The following GRIA4 variants were observed in gnomAD, a reference collection of about 807,000 sequenced individuals.
The protein encoded by GRIA4 is glutamate receptor 4.
Under a neutral mutation model 104.0 loss-of-function variants are expected in GRIA4, and 34 were observed. That is an observed-to-expected ratio of 0.33 (90% CI 0.25 to 0.44). The LOEUF (loss-of-function observed/expected upper bound fraction) is 0.44. Ranked by LOEUF, GRIA4 falls within the 20% of genes least tolerant of loss-of-function variation. The pLI is 1.00. For synonymous variants in GRIA4, 386 were observed against 381.9 expected (o/e 1.01, Z -0.13); for missense variants, 750 against 1,096.5 (o/e 0.68, Z 4.46).
At chr11:105,680,688 G>C (rs192650990) in intron 3 of GRIA4, among the ~76,000 whole-genome samples, 1 of 152,244 alleles carries the variant, frequency 6.6e-6, no homozygotes, top group Admixed American at 6.5e-5. Context: ...GTTAAGAAGT[G>C]ACTCAATTTC....
chr11:105,859,595 T>C (rs1945143628), intron 4 of GRIA4, among the ~76,000 whole-genome samples: 1 of 152,166 alleles, frequency 6.6e-6, no homozygotes, highest in South Asian at 2.1e-4. Context: ...CATGGATGCC[T>C]AGTCCTGACA....
rs185837809 is a variant in GRIA4, at chr11:105,722,412, T to C, written c.248-30569T>C. ...GAGTAGTAAGTGCATTTTCAACTTATGATTTGTTCTACTTATAATCGGTTT... is the reference window on the plus strand; with the variant it reads ...GAGTAGTAAGTGCATTTTCAACTTACGATTTGTTCTACTTATAATCGGTTT... On this transcript the variant is annotated intron_variant, in intron 3 of 16. Transcript: ENST00000282499. 1.1e-3 allele frequency among the ~76,000 whole-genome samples: 168 copies of C among 152,282 alleles called. 1 individual carries two copies. In the East Asian group the frequency reaches 0.017, roughly 15 times the overall value.
chr11:105,890,727 T>A (rs1452308882), intron 6 of GRIA4, among the ~76,000 whole-genome samples: 2 of 152,198 alleles, frequency 1.3e-5, no homozygotes, highest in African/African-American at 4.8e-5. Context: ...GGAGCTAACA[T>A]CATCTGAACA....
intron 4 of GRIA4, among the ~76,000 whole-genome samples, chr11:105,822,960 T>C (rs1271772354): frequency 3.3e-5 from 5 of 152,164 alleles, no homozygotes; most frequent in Non-Finnish European, 7.4e-5. Context: ...TCTTCTTCTA[T>C]CATGTTGTAA....
intron 4 of GRIA4, among the ~76,000 whole-genome samples, chr11:105,798,551 C>T (rs903956834): frequency 1.3e-5 from 2 of 152,112 alleles, no homozygotes; most frequent in African/African-American, 4.8e-5. Flanking sequence ...GTGACATAAT[C>T]TGACATATTT....
chr11:105,805,780 C>T (rs1262941154), intron 4 of GRIA4, among the ~76,000 whole-genome samples: 10 of 151,860 alleles, frequency 6.6e-5, no homozygotes, highest in East Asian at 1.9e-4. Flanking sequence ...AAAGCCTTCT[C>T]GACACAAAGT....
At chr11:105,936,218 A>C (rs1274309929) in intron 14 of GRIA4, among the ~76,000 whole-genome samples, 1 of 152,182 alleles carries the variant, frequency 6.6e-6, no homozygotes, top group Non-Finnish European at 1.5e-5. Context: ...AAATGAGGCA[A>C]ACTAATACAG....
At chr11:105,926,554 T>A (rs1005872445) in intron 12 of GRIA4, among the ~76,000 whole-genome samples, 187 bp from the exon 13 acceptor site, 3 of 152,156 alleles carry the variant, frequency 2.0e-5, no homozygotes, top group Non-Finnish European at 2.9e-5. Context: ...CATTTATATA[T>A]TAAATACACC....
intron 6 of GRIA4, among the ~76,000 whole-genome samples, chr11:105,895,411 A>G (rs1195607856): frequency 6.6e-6 from 1 of 152,022 alleles, no homozygotes; most frequent in African/African-American, 2.4e-5. Flanking sequence ...TAAGGTACCT[A>G]AAATAGTGGC....
intron 13 of GRIA4, among the ~76,000 whole-genome samples, chr11:105,929,769 A>G (rs1341362906): frequency 6.6e-6 from 1 of 152,146 alleles, no homozygotes; most frequent in Non-Finnish European, 1.5e-5. Flanking sequence ...AACATTAACT[A>G]TAACACATGA....
chr11:105,707,605 C>T (rs946439828), intron 3 of GRIA4: 9 of 152,190 alleles, frequency 5.9e-5, no homozygotes, highest in Admixed American at 2.6e-4. Flanking sequence ...TAATGAAGAT[C>T]GGTAAGTTGA....
intron 4 of GRIA4, among the ~76,000 whole-genome samples, chr11:105,807,966 A>G (rs980245904): frequency 1.3e-5 from 2 of 151,816 alleles, no homozygotes; most frequent in Non-Finnish European, 2.9e-5. Context: ...TATTTGATCT[A>G]CTTCAATTTT....
chr11:105,883,888 C>T (rs2136088329), intron 5 of GRIA4, among the ~76,000 whole-genome samples: 1 of 152,216 alleles, frequency 6.6e-6, no homozygotes, highest in Non-Finnish European at 1.5e-5. Context: ...TTTACAGTCC[C>T]ACCAACAGTG....
At chr11:105,882,481 A>G (rs1479995774) in intron 5 of GRIA4, among the ~76,000 whole-genome samples, 1 of 152,234 alleles carries the variant, frequency 6.6e-6, no homozygotes, top group Non-Finnish European at 1.5e-5. Flanking sequence ...CCAAACTATC[A>G]TTAATTTGCA....
At position 105,924,878 on chromosome 11, in the gene GRIA4, C is replaced by T. The variant is rs929492235; in HGVS notation, c.1847+109C>T. The T allele has an allele frequency of 4.7e-6, 4 of 852,904 alleles. No homozygotes were observed. The African/African-American group carries it at 6.7e-5, about 14-fold the overall frequency. The allele number at this position is 852,904 out of a possible 1,614,324, so 52.8% of individuals were successfully genotyped here. A position where few individuals can be genotyped will look rare whatever the true frequency, so the allele number is the denominator to read the frequency against. On this transcript the variant is annotated intron_variant, in intron 12 of 16. Coordinates refer to ENST00000282499, the MANE Select transcript of GRIA4 (RefSeq NM_000829.4). Reference sequence around the variant, plus strand: ...CCTGAAGACAGAGGACTATTTGAAACACAGAAAAAGACTTGCAATTCCCAA... The same window carrying T: ...CCTGAAGACAGAGGACTATTTGAAATACAGAAAAAGACTTGCAATTCCCAA...
intron 14 of GRIA4, among the ~76,000 whole-genome samples, chr11:105,952,254 A>G (rs886183522): frequency 2.6e-5 from 4 of 152,172 alleles, no homozygotes; most frequent in Admixed American, 2.6e-4. Context: ...TGAACCCCTG[A>G]AATTATGTAT....
chr11:105,664,028 A>G (rs776440534), intron 3 of GRIA4, among the ~76,000 whole-genome samples: 2 of 150,254 alleles, frequency 1.3e-5, no homozygotes, highest in Non-Finnish European at 3.0e-5. Context: ...ATCGAAGGAA[A>G]AGCTATATGT....
At chr11:105,679,840 C>G (rs1055071119) in intron 3 of GRIA4, among the ~76,000 whole-genome samples, 2 of 152,100 alleles carry the variant, frequency 1.3e-5, no homozygotes, top group Non-Finnish European at 2.9e-5. Flanking sequence ...CCTCAGCTGG[C>G]TGTAGTTTTC....
chr11:105,833,112 C>T (rs940112988), intron 4 of GRIA4, among the ~76,000 whole-genome samples: 4 of 151,806 alleles, frequency 2.6e-5, no homozygotes, highest in Non-Finnish European at 4.4e-5. Context: ...ATTCTGAGAG[C>T]TTCCACTTCT....
Sources: gnomAD v4.1 joint callset for allele counts (sites outside exome capture counted in the v4.1 genomes callset) on GRCh38, gnomAD v4.1.1 for gene constraint, MANE v1.5 for transcripts, NCBI Gene and HGNC (gene_info 2026-07-23, HGNC 2026-07-21) for gene names.